STX8: variants seen among roughly 807,000 people sequenced by gnomAD.
STX8 encodes syntaxin-8.
In STX8, 23 loss-of-function variants were observed where a neutral mutation model predicts 37.5. That is an observed-to-expected ratio of 0.61 (90% CI 0.44 to 0.87). The LOEUF is 0.87. STX8 is among the 40% of genes least tolerant of loss of function. The probability of loss-of-function intolerance (pLI) is 0.00; values close to 1 mark genes in which losing one functional copy is unlikely to be tolerated. For missense variants in STX8, 313 were observed against 284.7 expected, an observed-to-expected ratio of 1.10 and a Z score of -0.71; for synonymous variants, 115 against 99.1, an observed-to-expected ratio of 1.16 and a Z score of -0.95.
intron 3 of STX8, among the ~76,000 whole-genome samples, chr17:9,550,580 T>C (rs533311661): frequency 1.3e-5 from 2 of 152,070 alleles, no homozygotes; most frequent in South Asian, 4.2e-4. Flanking sequence ...TCTCAAAAAA[T>C]AAATAAATAA....
intron 5 of STX8, among the ~76,000 whole-genome samples, chr17:9,504,222 C>T (rs1289418462): frequency 2.0e-5 from 3 of 151,510 alleles, no homozygotes; most frequent in African/African-American, 7.3e-5. Flanking sequence ...AATCTGTTTC[C>T]AGTTTGAGAT....
intron 1 of STX8, among the ~76,000 whole-genome samples, chr17:9,571,534 G>A (rs1286527931): frequency 6.6e-6 from 1 of 150,774 alleles, no homozygotes; most frequent in Non-Finnish European, 1.5e-5. Flanking sequence ...GGGAGGCAGA[G>A]GTTGCAGTTT....
chr17:9,340,340 G>A (rs12952032), intron 7 of STX8, among the ~76,000 whole-genome samples: 22,860 of 152,154 alleles, frequency 0.15, 1,932 homozygotes, highest in African/African-American at 0.21. Context: ...CTCTAATGTC[G>A]ATCTGGGAAA....
intron 6 of STX8, among the ~76,000 whole-genome samples, chr17:9,412,727 A>G (rs945191207): frequency 6.6e-6 from 1 of 152,202 alleles, no homozygotes; most frequent in African/African-American, 2.4e-5. Context: ...ACATTATCTC[A>G]GAGCCCTCAT....
chr17:9,325,244 C>T (rs887971242), intron 7 of STX8, among the ~76,000 whole-genome samples: 6 of 152,142 alleles, frequency 3.9e-5, no homozygotes, highest in Non-Finnish European at 8.8e-5. Context: ...TAGAACATAA[C>T]CCCCTCATAA....
At chr17:9,357,346 G>T (rs560680944) in intron 7 of STX8, among the ~76,000 whole-genome samples, 16 of 152,082 alleles carry the variant, frequency 1.1e-4, no homozygotes, top group Admixed American at 4.6e-4. Flanking sequence ...TCTTTTTCCT[G>T]ATTGGCTCCC....
intron 7 of STX8, among the ~76,000 whole-genome samples, chr17:9,302,858 T>G (rs75117869): frequency 8.5e-4 from 129 of 152,158 alleles, no homozygotes; most frequent in African/African-American, 3.0e-3. Context: ...GGAACTCATA[T>G]TCGGGGTGGT....
chr17:9,541,795 A>C (rs1053229948), intron 4 of STX8, among the ~76,000 whole-genome samples: 2 of 152,222 alleles, frequency 1.3e-5, no homozygotes, highest in Non-Finnish European at 2.9e-5. Flanking sequence ...GCAAATGCAC[A>C]TAAAGAGCTT....
intron 4 of STX8, among the ~76,000 whole-genome samples, chr17:9,508,062 T>C (rs1350987201): frequency 4.6e-5 from 7 of 152,162 alleles, no homozygotes; most frequent in Non-Finnish European, 1.0e-4. Context: ...CAATAATTCC[T>C]GTGTAATAGA....
intron 7 of STX8, among the ~76,000 whole-genome samples, chr17:9,318,492 A>T (rs1909462413): frequency 6.6e-6 from 1 of 152,200 alleles, no homozygotes; most frequent in South Asian, 2.1e-4. Context: ...TTGGAAAGTA[A>T]ATGACCCACA....
chr17:9,284,962 T>C (rs192848370), intron 7 of STX8, among the ~76,000 whole-genome samples: 1 of 152,160 alleles, frequency 6.6e-6, no homozygotes, highest in Admixed American at 6.5e-5. Flanking sequence ...CCTCTGATGG[T>C]TTCCAGCAGG....
intron 7 of STX8, among the ~76,000 whole-genome samples, chr17:9,362,680 G>C (rs757599997): frequency 1.8e-4 from 27 of 151,890 alleles, no homozygotes; most frequent in Non-Finnish European, 3.8e-4. Flanking sequence ...AAGTTAGCCA[G>C]GCGTGGTGGC....
intron 7 of STX8, among the ~76,000 whole-genome samples, chr17:9,311,719 A>G (rs1909194362): frequency 6.6e-6 from 1 of 152,228 alleles, no homozygotes; most frequent in Admixed American, 6.5e-5. Flanking sequence ...TCATCTGCGA[A>G]TGTGGATATT....
chr17:9,375,191 T>C (rs1034738889), intron 7 of STX8, among the ~76,000 whole-genome samples: 3 of 151,794 alleles, frequency 2.0e-5, no homozygotes, highest in Non-Finnish European at 4.4e-5. Context: ...TATACATATA[T>C]AATTAAATAA....
intron 6 of STX8, among the ~76,000 whole-genome samples, chr17:9,464,528 G>C (rs1052860527): frequency 6.6e-6 from 1 of 152,126 alleles, no homozygotes; most frequent in Non-Finnish European, 1.5e-5. Context: ...CCATGATCAC[G>C]GGTCTCTAGT....
chr17:9,544,968 C>T (rs1400707280), intron 4 of STX8, among the ~76,000 whole-genome samples: 2 of 152,098 alleles, frequency 1.3e-5, no homozygotes, highest in Non-Finnish European at 2.9e-5. Context: ...GCACTCCAGC[C>T]TGGGTGACAG....
intron 2 of STX8, among the ~76,000 whole-genome samples, chr17:9,558,278 C>A (rs916610339): frequency 6.6e-6 from 1 of 152,190 alleles, no homozygotes; most frequent in Non-Finnish European, 1.5e-5. Context: ...ACACAGAATA[C>A]CACAGGTTTC....
At chr17:9,545,306 A>T in intron 3 of STX8, 24 bp from the exon 4 acceptor site, 3 of 1,529,210 alleles carry the variant, frequency 2.0e-6, no homozygotes, top group Non-Finnish European at 2.7e-6. Context: ...GTTAAGGTTC[A>T]ATGGTGAATA....
intron 7 of STX8, among the ~76,000 whole-genome samples, chr17:9,367,222 GT>G (rs1051514957): frequency 3.0e-5 from 4 of 131,852 alleles, no homozygotes; most frequent in African/African-American, 1.1e-4. Flanking sequence ...TCCAAGTTTT[GT>G]TTCTGTTTTG....
Sources: allele counts gnomAD v4.1 joint callset (sites outside exome capture counted in the v4.1 genomes callset), GRCh38; gene constraint gnomAD v4.1.1; transcripts MANE v1.5; gene names NCBI Gene and HGNC (gene_info 2026-07-23, HGNC 2026-07-21).